Variants in RMDN2 observed in about 807,000 individuals in gnomAD.
RMDN2 encodes regulator of microtubule dynamics protein 2.
RMDN2 carries 61 observed loss-of-function variants against 52.8 expected under a neutral mutation model. The ratio of observed to expected loss-of-function variants is 1.16; its 90% CI spans 0.94 to 1.43. The LOEUF (loss-of-function observed/expected upper bound fraction) is 1.43. Among genes scored for constraint, RMDN2 ranks in the 40% most tolerant of loss-of-function variants. RMDN2 has a pLI of 0.00. For synonymous variants in RMDN2, 180 were observed against 153.1 expected (o/e 1.18, Z -1.30); for missense variants, 592 against 475.3 (o/e 1.25, Z -2.28).
At chr2:38,060,792 G>T (rs930847084) in intron 10 of RMDN2, among the ~76,000 whole-genome samples, 2 of 150,312 alleles carry the variant, frequency 1.3e-5, no homozygotes, top group Admixed American at 6.7e-5. Flanking sequence ...AAACAATAAA[G>T]TTAGAGACAG....
At chr2:37,995,336 C>CTACTACTACTAA (rs1675379074) in intron 7 of RMDN2, among the ~76,000 whole-genome samples, 1 of 150,932 alleles carries the variant, frequency 6.6e-6, no homozygotes, top group African/African-American at 2.4e-5. Flanking sequence ...ACTACTACTA[C>CTACTACTACTAA]TACTACTACT....
Position 37,984,437 on chromosome 2 carries a change from A to G in RMDN2, c.791+3094A>G, listed in dbSNP as rs989363621. On this transcript the variant is annotated intron_variant, in intron 5 of 10. Coordinates refer to ENST00000354545, the MANE Select transcript of RMDN2 (RefSeq NM_001170791.3). Reference sequence around the variant, plus strand: ...TTACAGAGCAGCTTGTTTTCACTTTATAGATGGGGTAAGCAAGGTACTGTG... The same window carrying G: ...TTACAGAGCAGCTTGTTTTCACTTTGTAGATGGGGTAAGCAAGGTACTGTG... 2.0e-5 allele frequency among the ~76,000 whole-genome samples: 3 copies of G among 152,230 alleles called. No homozygotes were observed. The East Asian group carries it at 5.8e-4, about 29-fold the overall frequency.
chr2:37,952,029 A>G lies in RMDN2; in HGVS notation c.453-22011A>G, dbSNP rs760794446. ...CATGATTCCACAGCATCCCTCTCAA[A>G]GTGGAACTTTCCCATTCCTCCATAA... On this transcript the variant is annotated intron_variant, in intron 2 of 10. Coordinates refer to ENST00000354545, the MANE Select transcript of RMDN2 (RefSeq NM_001170791.3). 3 of 1,613,466 alleles carry G rather than the reference A, an allele frequency of 1.9e-6. No individual in the cohort carries two copies. The South Asian group carries it at 3.3e-5, about 18-fold the overall frequency.
intron 10 of RMDN2, among the ~76,000 whole-genome samples, chr2:38,016,805 G>A (rs1573118841): frequency 1.3e-5 from 2 of 151,880 alleles, no homozygotes; most frequent in South Asian, 4.2e-4. Flanking sequence ...AGAAAGTGGC[G>A]AGCTTTTTCC....
At chr2:37,945,829 C>G (rs1334115110) in intron 2 of RMDN2, among the ~76,000 whole-genome samples, 3 of 152,156 alleles carry the variant, frequency 2.0e-5, no homozygotes, top group African/African-American at 2.4e-5. Context: ...CTTTACCACT[C>G]TGCTGCACTG....
chr2:37,930,435 A>C (rs986070925), intron 2 of RMDN2, among the ~76,000 whole-genome samples: 1 of 151,948 alleles, frequency 6.6e-6, no homozygotes, highest in South Asian at 2.1e-4. Flanking sequence ...GTCCTTTTCC[A>C]TCCTTCCCCA....
intron 2 of RMDN2, among the ~76,000 whole-genome samples, chr2:37,930,655 C>A (rs1052531433): frequency 2.6e-5 from 4 of 152,178 alleles, no homozygotes; most frequent in Admixed American, 2.0e-4. Context: ...GGGCAGGGGA[C>A]TAGGATCCTG....
At chr2:38,046,176 C>G (rs376912668) in intron 10 of RMDN2, among the ~76,000 whole-genome samples, 1 of 152,178 alleles carries the variant, frequency 6.6e-6, no homozygotes, top group African/African-American at 2.4e-5. Flanking sequence ...TAAGAACTTT[C>G]AAGACAGTAA....
chr2:37,921,962 G>T (rs1043451001), upstream of RMDN2, among the ~76,000 whole-genome samples: 6 of 152,138 alleles, frequency 3.9e-5, no homozygotes, highest in African/African-American at 1.2e-4. Flanking sequence ...GCTCCTCCTC[G>T]TTTACAAATG....
At chr2:38,009,838 G>T (rs1248081030) in intron 10 of RMDN2, among the ~76,000 whole-genome samples, 5 of 151,966 alleles carry the variant, frequency 3.3e-5, no homozygotes, top group East Asian at 1.9e-4. Flanking sequence ...CATCTTTGTG[G>T]TTTTTTTCTA....
At chr2:37,924,166 A>G (rs370779831), upstream of RMDN2, among the ~76,000 whole-genome samples, 6 of 152,240 alleles carry the variant, frequency 3.9e-5, no homozygotes, top group African/African-American at 1.4e-4. Flanking sequence ...CCCTATCCGT[A>G]AACAGTAGTA....
chr2:37,955,733 A>G (rs545148190), intron 2 of RMDN2, among the ~76,000 whole-genome samples: 8 of 152,192 alleles, frequency 5.3e-5, no homozygotes, highest in African/African-American at 1.7e-4. Flanking sequence ...ACCTCCTGCC[A>G]TGATTCTGAG....
At chr2:38,003,917 A>G (rs2125192135) in intron 8 of RMDN2, 74 bp from the exon 9 acceptor site, 2 of 1,138,778 alleles carry the variant, frequency 1.8e-6, no homozygotes, top group Middle Eastern at 2.1e-4. Context: ...TTATTTAAAT[A>G]TATTCTCTTC....
rs112992784 is a variant in RMDN2 at position 37,978,128 on chromosome 2, G to A, written c.730+2814G>A. On this transcript the variant is annotated intron_variant, in intron 4 of 10. Transcript: ENST00000354545. ...GCGATCAGGAGCTAGAGACCAGCCCGGCCAACACGGTGAAACCCCGTCTCC... is the reference window on the plus strand; with the variant it reads ...GCGATCAGGAGCTAGAGACCAGCCCAGCCAACACGGTGAAACCCCGTCTCC... Among the ~76,000 whole-genome samples, 378 of 152,314 alleles carry A rather than the reference G, an allele frequency of 2.5e-3. 4 individuals are homozygous for A. Among genetic ancestry groups the A allele is most frequent in the African/African-American group, 7.9e-3 (328 of 41,572 alleles).
chr2:37,981,715 A>G lies in RMDN2; in HGVS notation c.791+372A>G, dbSNP rs116194019. Among the ~76,000 whole-genome samples the G allele has an allele frequency of 2.7e-3, 406 of 152,296 alleles. 4 individuals are homozygous for G. Among genetic ancestry groups the G allele is most frequent in the African/African-American group, 9.3e-3 (388 of 41,570 alleles). The stretch of plus-strand genomic sequence containing the variant: ...CACATCAACCATTTCTTATGCATTG[A>G]TGCATCGTAATATACAAATTCCACA... On this transcript the variant is annotated intron_variant, in intron 5 of 10. Coordinates refer to ENST00000354545, the MANE Select transcript of RMDN2 (RefSeq NM_001170791.3).
chr2:38,003,579 G>GATAGATAGATAGATAT (rs1573033564), intron 8 of RMDN2, among the ~76,000 whole-genome samples: 1 of 151,574 alleles, frequency 6.6e-6, no homozygotes, highest in East Asian at 1.9e-4. Context: ...TAGATAGATA[G>GATAGATAGATAGATAT]ATAGATAGAT....
intron 10 of RMDN2, among the ~76,000 whole-genome samples, chr2:38,051,235 G>T (rs773669878): frequency 7.0e-6 from 1 of 143,684 alleles, no homozygotes; most frequent in East Asian, 2.2e-4. Context: ...CAAATTCACC[G>T]TAAAAACAAA....
At chr2:37,966,226 G>A in intron 2 of RMDN2, among the ~76,000 whole-genome samples, 1 of 152,030 alleles carries the variant, frequency 6.6e-6, no homozygotes, top group Non-Finnish European at 1.5e-5. Flanking sequence ...AGACCATCCT[G>A]GCTAACACGG....
At chr2:37,980,443 A>C (rs1464093777) in intron 4 of RMDN2, among the ~76,000 whole-genome samples, 1 of 152,084 alleles carries the variant, frequency 6.6e-6, no homozygotes. Flanking sequence ...AGCTGGGATT[A>C]CAGGCATGCA....
Sources: gnomAD v4.1 joint callset for allele counts (sites outside exome capture counted in the v4.1 genomes callset) on GRCh38, gnomAD v4.1.1 for gene constraint, MANE v1.5 for transcripts, NCBI Gene and HGNC (gene_info 2026-07-23, HGNC 2026-07-21) for gene names.